The following SLAIN1 variants were observed in gnomAD, a reference collection of about 807,000 sequenced individuals.
SLAIN1 encodes SLAIN motif-containing protein 1.
A neutral mutation model predicts 55.4 loss-of-function variants in SLAIN1; 17 were observed. The observed-to-expected ratio is 0.31, with a 90% confidence interval of 0.21 to 0.46. The LOEUF is 0.46. Among genes scored for constraint, SLAIN1 ranks in the 20% least tolerant of loss-of-function variants. The probability of loss-of-function intolerance (pLI) is 1.00; values close to 1 mark genes in which losing one functional copy is unlikely to be tolerated. For synonymous variants in SLAIN1, 348 were observed against 337.4 expected (o/e 1.03, Z -0.35); for missense variants, 682 against 785.1 (o/e 0.87, Z 1.57).
At chr13:77,716,883 G>A (rs1300087438) in intron 1 of SLAIN1, among the ~76,000 whole-genome samples, 1 of 151,992 alleles carries the variant, frequency 6.6e-6, no homozygotes, top group Non-Finnish European at 1.5e-5. Flanking sequence ...GATTGCATTG[G>A]CTAGGATCTT....
intron 4 of SLAIN1, among the ~76,000 whole-genome samples, chr13:77,751,771 G>A (rs1410361472): frequency 1.3e-5 from 2 of 152,174 alleles, no homozygotes; most frequent in Non-Finnish European, 2.9e-5. Flanking sequence ...GGAGTTGGAG[G>A]GATTTCAGCA....
intron 5 of SLAIN1, among the ~76,000 whole-genome samples, chr13:77,759,425 C>T (rs915735650): frequency 5.3e-5 from 8 of 152,052 alleles, no homozygotes; most frequent in African/African-American, 9.7e-5. Flanking sequence ...CCCTTTATTT[C>T]TTTCTCTTCT....
chr13:77,733,705 A>G (rs898628181), intron 2 of SLAIN1, among the ~76,000 whole-genome samples: 6 of 152,192 alleles, frequency 3.9e-5, no homozygotes, highest in Non-Finnish European at 8.8e-5. Context: ...AATACATTAC[A>G]GTTGAATTCT....
intron 2 of SLAIN1, among the ~76,000 whole-genome samples, chr13:77,719,921 A>C (rs1411943626): frequency 6.6e-6 from 1 of 151,644 alleles, no homozygotes; most frequent in East Asian, 1.9e-4. Flanking sequence ...ACACAAATTT[A>C]TTTCTTTTTT....
intron 5 of SLAIN1, among the ~76,000 whole-genome samples, chr13:77,753,658 TTGTAGTCCTTTATATCCTAGG>T (rs1438335940): frequency 1.8e-4 from 28 of 152,304 alleles, no homozygotes; most frequent in African/African-American, 5.8e-4. Flanking sequence ...AGTAAATTAT[TTGTAGTCCTTTATATCCTAGG>T]ATAGTAGAAG....
At chr13:77,708,613 A>T (rs1000062170) in intron 1 of SLAIN1, among the ~76,000 whole-genome samples, 1 of 152,216 alleles carries the variant, frequency 6.6e-6, no homozygotes, top group Non-Finnish European at 1.5e-5. Context: ...TGATACCCAG[A>T]CATACAGAGT....
chr13:77,732,166 A>G (rs1224374019), intron 2 of SLAIN1, among the ~76,000 whole-genome samples: 1 of 152,150 alleles, frequency 6.6e-6, no homozygotes, highest in Admixed American at 6.5e-5. Flanking sequence ...TTTTAGTATC[A>G]GAGACACTGG....
intron 2 of SLAIN1, among the ~76,000 whole-genome samples, chr13:77,732,891 G>A (rs1872945969): frequency 6.6e-6 from 1 of 152,084 alleles, no homozygotes; most frequent in African/African-American, 2.4e-5. Context: ...TCTACTTTGA[G>A]ACTGTTGTCC....
Position 77,698,962 on chromosome 13 carries a change from C to T in SLAIN1, c.626+423C>T. On this transcript the variant is annotated intron_variant, in intron 1 of 6. Coordinates refer to ENST00000418532, the MANE Select transcript of SLAIN1 (RefSeq NM_001242868.2). The surrounding 1 kb of genome is among the most constrained non-coding windows in gnomAD (Gnocchi z 4.1). ...GCCTCTGTCTGCGACTGTTACTGTTCTTTCGTTTTAAACGAACGCTGGACA... is the reference window on the plus strand; with the variant it reads ...GCCTCTGTCTGCGACTGTTACTGTTTTTTCGTTTTAAACGAACGCTGGACA... 3 of 1,534,380 alleles carry T rather than the reference C, an allele frequency of 2.0e-6. No individual in the cohort carries two copies. Among genetic ancestry groups the T allele is most frequent in the Non-Finnish European group, 2.6e-6 (3 of 1,146,782 alleles).
intron 2 of SLAIN1, among the ~76,000 whole-genome samples, chr13:77,725,219 G>C (rs529815156): frequency 6.6e-6 from 1 of 152,290 alleles, no homozygotes; most frequent in South Asian, 2.1e-4. Context: ...TCAGCTTGCA[G>C]TATTGCTTTC....
intron 2 of SLAIN1, among the ~76,000 whole-genome samples, chr13:77,739,747 C>T (rs1873314882): frequency 6.6e-6 from 1 of 151,996 alleles, no homozygotes. Flanking sequence ...TTAGGTTGTT[C>T]CTTAAACCCA....
At chr13:77,719,901 A>G (rs1034466522) in intron 2 of SLAIN1, among the ~76,000 whole-genome samples, 2 of 152,094 alleles carry the variant, frequency 1.3e-5, no homozygotes, top group African/African-American at 4.8e-5. Context: ...TCATATTGCA[A>G]TGTAGGAACA....
Position 77,698,642 on chromosome 13 carries a change from G to T in SLAIN1, c.626+103G>T. The T allele has an allele frequency of 3.1e-6, 4 of 1,308,840 alleles. No homozygotes were observed. Among genetic ancestry groups the T allele is most frequent in the Non-Finnish European group, 2.9e-6 (3 of 1,031,508 alleles). The allele number at this position is 1,308,840 out of a possible 1,614,324, so 81.1% of individuals were successfully genotyped here. Reference sequence around the variant, plus strand: ...GACGGGGGTCCCCTCGCGGCAGCCGGGGTGACTCCCCGCGGCTCCCGGAGG... The same window carrying T: ...GACGGGGGTCCCCTCGCGGCAGCCGTGGTGACTCCCCGCGGCTCCCGGAGG... On this transcript the variant is annotated intron_variant, in intron 1 of 6. Transcript: ENST00000418532. The surrounding 1 kb of genome is among the most constrained non-coding windows in gnomAD (Gnocchi z 4.1).
At chr13:77,757,397 A>G (rs1874678959) in intron 5 of SLAIN1, among the ~76,000 whole-genome samples, 1 of 152,048 alleles carries the variant, frequency 6.6e-6, no homozygotes, top group African/African-American at 2.4e-5. Context: ...ATTTTTATAA[A>G]GCTTTTTGAC....
chr13:77,706,657 T>C (rs546941087), intron 1 of SLAIN1, among the ~76,000 whole-genome samples: 2 of 140,436 alleles, frequency 1.4e-5, no homozygotes, highest in African/African-American at 5.9e-5. Flanking sequence ...TCTTCTTAAA[T>C]CCTTTTCGTT....
chr13:77,701,303 T>A (rs1234327276), intron 1 of SLAIN1, among the ~76,000 whole-genome samples: 9 of 152,218 alleles, frequency 5.9e-5, no homozygotes, highest in African/African-American at 1.9e-4. Context: ...TTTTAGCTAT[T>A]CTTTTATGTA....
chr13:77,759,013 A>G (rs1168373047), intron 5 of SLAIN1, among the ~76,000 whole-genome samples: 1 of 152,108 alleles, frequency 6.6e-6, no homozygotes, highest in Non-Finnish European at 1.5e-5. Flanking sequence ...GAATCTGTAG[A>G]TTGCTTTGGG....
At chr13:77,735,317 C>G (rs1048944262) in intron 2 of SLAIN1, among the ~76,000 whole-genome samples, 1 of 152,098 alleles carries the variant, frequency 6.6e-6, no homozygotes, top group African/African-American at 2.4e-5. Flanking sequence ...TCCTTTCAGT[C>G]TTTTCTTGGT....
rs751033664 is a variant in SLAIN1 at position 77,744,418 on chromosome 13, G to A, written c.902G>A (p.Arg301His). 2.5e-6 allele frequency: 4 copies of A among 1,611,346 alleles called. No individual in the cohort carries two copies. Among genetic ancestry groups the A allele is most frequent in the South Asian group, 1.1e-5 (1 of 91,046 alleles). The change falls in exon 3 of 7, where the codon CGT becomes CAT. Residue 301 changes from arginine (R) to histidine (H), a missense_variant. Physicochemically the swap from Arg to His is conservative, Grantham distance 29 (BLOSUM62 0). Around this residue, in one of 3 missense-constraint regions of SLAIN1, gnomAD observed 37 missense variants for 72.6 expected, o/e 0.51. Transcript: ENST00000418532. ...CTCACTGATGTTCAGATCATGGCTC[G>A]TCTGCAAGAAGAAAGTATGTGTTCT... Reference protein sequence around the residue: ...QDLTDVQIMARLQEESLRQDY... With the variant: ...QDLTDVQIMAHLQEESLRQDY...
Sources: allele counts gnomAD v4.1 joint callset (sites outside exome capture counted in the v4.1 genomes callset), GRCh38; gene constraint gnomAD v4.1.1; regional missense constraint gnomAD v4.1.1; non-coding constraint Gnocchi (gnomAD v3.1); transcripts MANE v1.5; gene names NCBI Gene and HGNC (gene_info 2026-07-23, HGNC 2026-07-21).